Variants in NPAS3 observed in about 807,000 individuals in gnomAD.
NPAS3 encodes the protein neuronal PAS domain-containing protein 3.
Under a neutral mutation model 73.1 loss-of-function variants are expected in NPAS3, and 14 were observed. That is an observed-to-expected ratio of 0.19 (90% confidence interval 0.13 to 0.30). The LOEUF (loss-of-function observed/expected upper bound fraction) is 0.30. Ranked by LOEUF, NPAS3 falls within the 10% of genes least tolerant of loss-of-function variation. The probability of loss-of-function intolerance (pLI) is 1.00; values close to 1 mark genes in which losing one functional copy is unlikely to be tolerated. For synonymous variants in NPAS3, 620 were observed against 541.5 expected, an observed-to-expected ratio of 1.14 and a Z score of -2.01; for missense variants, 1,096 against 1,250.0, an observed-to-expected ratio of 0.88 and a Z score of 1.86.
chr14:33,656,108 G>A (rs7155809), intron 5 of NPAS3, among the ~76,000 whole-genome samples: 62,693 of 151,704 alleles, frequency 0.41, 13,090 homozygotes, highest in Non-Finnish European at 0.44. Flanking sequence ...TTTCTGTTCA[G>A]TCAGACTTTC....
intron 4 of NPAS3, among the ~76,000 whole-genome samples, chr14:33,536,997 G>A (rs575518214): frequency 2.6e-5 from 4 of 152,142 alleles, no homozygotes; most frequent in South Asian, 4.1e-4. Context: ...TCAATTACTG[G>A]TCTACTTTTT....
At chr14:33,490,644 A>G (rs530219443) in intron 4 of NPAS3, among the ~76,000 whole-genome samples, 8 of 152,186 alleles carry the variant, frequency 5.3e-5, no homozygotes, top group Non-Finnish European at 1.0e-4. Flanking sequence ...ATGGAAGGGC[A>G]TGCACATGAA....
At chr14:33,538,879 A>G (rs1381730412) in intron 4 of NPAS3, among the ~76,000 whole-genome samples, 1 of 152,160 alleles carries the variant, frequency 6.6e-6, no homozygotes, top group Non-Finnish European at 1.5e-5. Flanking sequence ...CCCACCCCCA[A>G]CATTCTATAA....
chr14:33,406,899 C>A (rs2047691970), intron 4 of NPAS3, among the ~76,000 whole-genome samples: 1 of 152,092 alleles, frequency 6.6e-6, no homozygotes, highest in African/African-American at 2.4e-5. Flanking sequence ...ACTGAAGCTA[C>A]TAATTTGCCT....
intron 3 of NPAS3, among the ~76,000 whole-genome samples, chr14:33,289,330 C>T (rs557883634): frequency 7.9e-5 from 12 of 152,122 alleles, no homozygotes; most frequent in Non-Finnish European, 7.4e-5. Flanking sequence ...TGTGTGCATG[C>T]GTGTGTGTAT....
At chr14:32,995,433 A>T (rs2038527921) in intron 1 of NPAS3, among the ~76,000 whole-genome samples, 1 of 152,196 alleles carries the variant, frequency 6.6e-6, no homozygotes, top group African/African-American at 2.4e-5. Context: ...CCAGATAACC[A>T]GAACAGCTTC....
At chr14:33,756,408 A>G (rs945871389) in intron 7 of NPAS3, among the ~76,000 whole-genome samples, 44 of 152,338 alleles carry the variant, frequency 2.9e-4, no homozygotes, top group African/African-American at 1.1e-3. Context: ...GGAATCTTAT[A>G]TTGAAAGGTT....
intron 4 of NPAS3, among the ~76,000 whole-genome samples, chr14:33,522,712 T>C (rs552934991): frequency 1.3e-5 from 2 of 152,278 alleles, no homozygotes; most frequent in South Asian, 4.1e-4. Flanking sequence ...ATTTTTATGG[T>C]ATATATCCCA....
chr14:33,198,947 A>G (rs893847137), intron 2 of NPAS3, among the ~76,000 whole-genome samples: 1 of 151,988 alleles, frequency 6.6e-6, no homozygotes, highest in African/African-American at 2.4e-5. Context: ...TGCTGGGGGA[A>G]CCCAGGGCCG....
At chr14:33,294,036 G>T (rs2042199117) in intron 3 of NPAS3, among the ~76,000 whole-genome samples, 2 of 152,154 alleles carry the variant, frequency 1.3e-5, no homozygotes. Context: ...ACAGGACAAG[G>T]CTGAATAAGA....
intron 3 of NPAS3, among the ~76,000 whole-genome samples, chr14:33,231,875 A>G (rs377618951): frequency 5.9e-5 from 9 of 152,316 alleles, no homozygotes; most frequent in African/African-American, 2.2e-4. Flanking sequence ...CCCTTGACGT[A>G]GGCAAATGGT....
chr14:32,946,754 T>A (rs754464954), intron 1 of NPAS3, among the ~76,000 whole-genome samples: 2 of 152,220 alleles, frequency 1.3e-5, no homozygotes, highest in African/African-American at 2.4e-5. Flanking sequence ...ATCTTGTTTA[T>A]GAAAGGATAA....
chr14:33,694,288 T>C (rs1595454176), intron 6 of NPAS3, among the ~76,000 whole-genome samples: 2 of 152,184 alleles, frequency 1.3e-5, no homozygotes, highest in East Asian at 1.9e-4. Context: ...GTGTTAGTCT[T>C]TCCATTTACT....
chr14:33,063,147 C>A (rs2041165874), intron 2 of NPAS3, among the ~76,000 whole-genome samples: 1 of 151,962 alleles, frequency 6.6e-6, no homozygotes, highest in South Asian at 2.1e-4. Context: ...AAAGTAGGGG[C>A]AAAACAATAC....
intron 4 of NPAS3, among the ~76,000 whole-genome samples, chr14:33,535,346 C>G (rs1377775476): frequency 6.6e-6 from 1 of 152,098 alleles, no homozygotes; most frequent in African/African-American, 2.4e-5. Flanking sequence ...GTATAAGAAA[C>G]AGTAAAATGG....
At chr14:33,395,130 G>A (rs1323436059) in intron 4 of NPAS3, among the ~76,000 whole-genome samples, 1 of 152,114 alleles carries the variant, frequency 6.6e-6, no homozygotes, top group Non-Finnish European at 1.5e-5. Flanking sequence ...AATTGAAGTA[G>A]TGTTGGTTTT....
chr14:33,426,643 G>C (rs2048566629), intron 4 of NPAS3, among the ~76,000 whole-genome samples: 2 of 152,080 alleles, frequency 1.3e-5, no homozygotes, highest in Middle Eastern at 3.4e-3. Context: ...CAAGGAGTTA[G>C]TGCTGAAGAG....
chr14:32,999,308 G>T (rs768316553), intron 1 of NPAS3, among the ~76,000 whole-genome samples: 3 of 152,206 alleles, frequency 2.0e-5, no homozygotes, highest in East Asian at 3.9e-4. Context: ...TCAGGAGATT[G>T]AGACCATCCT....
intron 9 of NPAS3, 96 bp from the exon 10 acceptor site, chr14:33,793,801 A>T: frequency 9.5e-6 from 12 of 1,256,678 alleles, no homozygotes; most frequent in South Asian, 6.2e-5. Context: ...AGGTCCTCCC[A>T]TTTTTAGGCT....
Sources: allele counts gnomAD v4.1 joint callset (sites outside exome capture counted in the v4.1 genomes callset), GRCh38; gene constraint gnomAD v4.1.1; transcripts MANE v1.5; gene names NCBI Gene and HGNC (gene_info 2026-07-23, HGNC 2026-07-21).